Variants in CFAP221 observed in about 807,000 individuals in gnomAD.
CFAP221 encodes the protein cilia- and flagella-associated protein 221.
A neutral mutation model predicts 113.1 loss-of-function variants in CFAP221; 97 were observed. That is an observed-to-expected ratio of 0.86 (90% CI 0.73 to 1.02). CFAP221 has a LOEUF of 1.02. CFAP221 is among the 50% of genes least tolerant of loss of function. The pLI, the probability that CFAP221 is intolerant of heterozygous loss-of-function variation, is 0.00. For synonymous variants in CFAP221, 331 were observed against 354.4 expected, an observed-to-expected ratio of 0.93 and a Z score of 0.74; for missense variants, 1,025 against 1,013.4, an observed-to-expected ratio of 1.01 and a Z score of -0.16.
intron 14 of CFAP221, among the ~76,000 whole-genome samples, chr2:119,620,410 A>G (rs1685823423): frequency 6.6e-6 from 1 of 152,220 alleles, no homozygotes; most frequent in Admixed American, 6.5e-5. Flanking sequence ...AAACCCTACA[A>G]GACCGAAGAG....
chr2:119,640,910 AC>A (rs1171706917), intron 21 of CFAP221, among the ~76,000 whole-genome samples: 5 of 152,196 alleles, frequency 3.3e-5, no homozygotes, highest in African/African-American at 1.2e-4. Flanking sequence ...TGTCAGTAAG[AC>A]AAGGGGATTG....
intron 6 of CFAP221, 140 bp from the exon 7 acceptor site, chr2:119,586,979 C>G: frequency 1.8e-6 from 1 of 569,894 alleles, no homozygotes. Flanking sequence ...TGGGGTTACT[C>G]CTGGCACACA....
intron 6 of CFAP221, among the ~76,000 whole-genome samples, chr2:119,577,280 T>A (rs2104586656): frequency 6.6e-6 from 1 of 152,294 alleles, no homozygotes; most frequent in East Asian, 1.9e-4. Flanking sequence ...CAAATCACCT[T>A]CCTAAGTCCC....
intron 23 of CFAP221, among the ~76,000 whole-genome samples, chr2:119,654,332 A>G (rs1167946129): frequency 6.6e-6 from 1 of 152,192 alleles, no homozygotes; most frequent in Non-Finnish European, 1.5e-5. Flanking sequence ...AACCTCTTGC[A>G]CCTCAACACA....
At chr2:119,620,212 C>T (rs1685807662) in intron 14 of CFAP221, among the ~76,000 whole-genome samples, 2 of 152,072 alleles carry the variant, frequency 1.3e-5, no homozygotes, top group African/African-American at 4.8e-5. Flanking sequence ...CAAGACAGGC[C>T]AATATTCAAA....
At chr2:119,619,219 A>G (rs141819015) in intron 14 of CFAP221, among the ~76,000 whole-genome samples, 3,670 of 152,310 alleles carry the variant, frequency 0.024, 153 homozygotes, top group African/African-American at 0.085. Flanking sequence ...ATCTCCCAGC[A>G]CAGTGCTCAA....
chr2:119,610,487 A>C (rs1685074001), intron 12 of CFAP221, among the ~76,000 whole-genome samples: 1 of 152,114 alleles, frequency 6.6e-6, no homozygotes, highest in Admixed American at 6.6e-5. Flanking sequence ...ATAAAGATAT[A>C]ATAAATCTCC....
intron 6 of CFAP221, among the ~76,000 whole-genome samples, chr2:119,566,758 G>A (rs1310126559): frequency 7.9e-5 from 12 of 152,100 alleles, no homozygotes; most frequent in African/African-American, 2.4e-4. Context: ...CAACTCCTGG[G>A]TCAGTGCCTC....
At position 119,642,970 on chromosome 2, in the gene CFAP221, A is replaced by G. The variant is rs79245744; in HGVS notation, c.2225+3098A>G. ...GTTAAGTTCTTGTTATTTTTAATGT[A>G]AATAGGGATAGGGTCTTGCTATGTT... On this transcript the variant is annotated intron_variant, in intron 21 of 23. Coordinates refer to ENST00000413369, the MANE Select transcript of CFAP221 (RefSeq NM_001271049.2). 7.6e-3 allele frequency among the ~76,000 whole-genome samples: 1,132 copies of G among 149,054 alleles called. 12 individuals are homozygous for G. The highest frequency in any genetic ancestry group is 0.026 in the African/African-American group (1,066 of 40,322).
intron 7 of CFAP221, among the ~76,000 whole-genome samples, chr2:119,595,792 C>G (rs1318432930): frequency 6.6e-6 from 1 of 152,068 alleles, no homozygotes; most frequent in Non-Finnish European, 1.5e-5. Flanking sequence ...GGTGACTGCT[C>G]TCAACTTGGT....
At chr2:119,571,024 T>C (rs1330441926) in intron 6 of CFAP221, among the ~76,000 whole-genome samples, 1 of 151,856 alleles carries the variant, frequency 6.6e-6, no homozygotes, top group Non-Finnish European at 1.5e-5. Flanking sequence ...TCTCTTGAGC[T>C]CAGGAGTTCA....
Position 119,549,121 on chromosome 2 carries a change from A to C in CFAP221, c.176A>C (p.Gln59Pro), listed in dbSNP as rs984697533. The change falls in exon 3 of 24, where the codon CAG becomes CCG. Residue 59 changes from glutamine to proline, a missense_variant. Transcript: ENST00000413369. ...YAKLVNNKVI[Q>P]ARPGIIHFGG... ...AAACTTGTGAATAATAAGGTCATACAGGCAAGACCTGGCATAATACATTTT... is the reference window on the plus strand; with the variant it reads ...AAACTTGTGAATAATAAGGTCATACCGGCAAGACCTGGCATAATACATTTT... The C allele has an allele frequency of 6.5e-7, 1 of 1,534,724 alleles. No homozygotes were observed.
At chr2:119,575,761 TACC>T (rs1387742716) in intron 6 of CFAP221, among the ~76,000 whole-genome samples, 1 of 152,240 alleles carries the variant, frequency 6.6e-6, no homozygotes, top group Non-Finnish European at 1.5e-5. Flanking sequence ...ATGTACATTT[TACC>T]ACATTTGTTT....
In CFAP221 at chr2:119,647,074, T is replaced by A. The variant is rs760820778; in HGVS notation, c.2318+24T>A. The A allele has an allele frequency of 8.9e-6, 14 of 1,576,676 alleles. No homozygotes were observed. In the Admixed American group the frequency reaches 2.5e-4, roughly 28 times the overall value. On this transcript the variant is annotated intron_variant, in intron 22 of 23. Coordinates refer to ENST00000413369, the MANE Select transcript of CFAP221 (RefSeq NM_001271049.2). ...CGGTATTTTTTTTTTTTTTAATCTT[T>A]GGCCTCTAATGTGGTCTGTTTTCCA...
At chr2:119,656,664 G>A (rs1202778352), downstream of CFAP221, 2 of 417,524 alleles carry the variant, frequency 4.8e-6, no homozygotes, top group South Asian at 3.6e-5. Flanking sequence ...GATGATGACA[G>A]CGTTGTTAGC....
chr2:119,580,313 T>G (rs1243062625), intron 6 of CFAP221: 1 of 152,190 alleles, frequency 6.6e-6, no homozygotes, highest in Non-Finnish European at 1.5e-5. Flanking sequence ...CCATACACTG[T>G]ACGGTGACCC....
intron 14 of CFAP221, among the ~76,000 whole-genome samples, chr2:119,617,752 C>T (rs1574146057): frequency 6.6e-6 from 1 of 152,324 alleles, no homozygotes; most frequent in African/African-American, 2.4e-5. Context: ...GTTGTGTTTG[C>T]AAAACTAAAA....
At chr2:119,558,032 A>G (rs1385205708) in intron 3 of CFAP221, among the ~76,000 whole-genome samples, 1 of 151,654 alleles carries the variant, frequency 6.6e-6, no homozygotes, top group Non-Finnish European at 1.5e-5. Context: ...CTCCCAGGGT[A>G]CATATTAAAA....
Position 119,546,788 on chromosome 2 carries a change from G to A in CFAP221, c.139+518G>A, listed in dbSNP as rs75527591. On this transcript the variant is annotated intron_variant, in intron 2 of 23. Coordinates refer to ENST00000413369, the MANE Select transcript of CFAP221 (RefSeq NM_001271049.2). ...TACATGAGGTTCCTTCCTGTCCTTCGGACCACAGGCATTTTAGACCTTTTT... is the reference window on the plus strand; with the variant it reads ...TACATGAGGTTCCTTCCTGTCCTTCAGACCACAGGCATTTTAGACCTTTTT... Among the ~76,000 whole-genome samples, 1,165 of 152,204 alleles carry A rather than the reference G, an allele frequency of 7.7e-3. 13 individuals are homozygous for A. Among genetic ancestry groups the A allele is most frequent in the African/African-American group, 0.026 (1,100 of 41,516 alleles).
Sources: gnomAD v4.1 joint callset for allele counts (sites outside exome capture counted in the v4.1 genomes callset) on GRCh38, gnomAD v4.1.1 for gene constraint, MANE v1.5 for transcripts, NCBI Gene and HGNC (gene_info 2026-07-23, HGNC 2026-07-21) for gene names.